Variants in SUPT16H observed in about 807,000 individuals in gnomAD.
The protein encoded by SUPT16H is SPT16 homolog, facilitates chromatin remodeling subunit.
In SUPT16H, 24 loss-of-function variants were observed where a neutral mutation model predicts 136.2. The observed-to-expected ratio is 0.18, with a 90% CI of 0.13 to 0.25. The LOEUF is 0.25. SUPT16H is among the 10% of genes least tolerant of loss of function. The probability of loss-of-function intolerance (pLI) is 1.00; values close to 1 mark genes in which losing one functional copy is unlikely to be tolerated. For synonymous variants in SUPT16H, 415 were observed against 428.2 expected (o/e 0.97, Z 0.38); for missense variants, 623 against 1,270.2 (o/e 0.49, Z 7.74).
chr14:21,370,112 G>T (rs867454879), intron 4 of SUPT16H, among the ~76,000 whole-genome samples: 1 of 152,138 alleles, frequency 6.6e-6, no homozygotes, highest in Non-Finnish European at 1.5e-5. Context: ...TTAAGCTAAT[G>T]TACCACTTAA....
intron 7 of SUPT16H, among the ~76,000 whole-genome samples, chr14:21,367,644 T>C (rs1248788371): frequency 2.0e-5 from 3 of 152,208 alleles, no homozygotes; most frequent in South Asian, 2.1e-4. Flanking sequence ...ATCCTGTAGG[T>C]AGAGATACTA....
At chr14:21,356,726 T>G (rs112360108) in intron 22 of SUPT16H, among the ~76,000 whole-genome samples, 1 of 149,876 alleles carries the variant, frequency 6.7e-6, no homozygotes, top group African/African-American at 2.5e-5. Flanking sequence ...GGCAACACAG[T>G]GAGACCCTGT....
chr14:21,369,090 C>T, intron 6 of SUPT16H, 114 bp downstream of exon 6: 4 of 1,230,844 alleles, frequency 3.2e-6, no homozygotes, highest in East Asian at 2.4e-5. Context: ...TAACACTATA[C>T]ATTATATACT....
At chr14:21,362,158 A>T in intron 15 of SUPT16H, 39 bp downstream of exon 15, 1 of 1,601,090 alleles carries the variant, frequency 6.2e-7, no homozygotes, top group Non-Finnish European at 8.5e-7. Context: ...ACCACTCCAG[A>T]CAAGATGAAT....
chr14:21,364,907 C>G lies in SUPT16H; in HGVS notation c.1153G>C (p.Asp385His). ...MVFSINLGFS[D>H]LTNKEGKKPE... The stretch of plus-strand genomic sequence containing the variant: ...TTTTTCCCCTCCTTGTTAGTCAGGT[C>G]TGAGAATCCTAAATTGATGCTGAAA... Residue 385 changes from aspartate to histidine, a missense_variant, in exon 10 of 26, where the codon GAC becomes CAC. By Grantham distance (81) the Asp-to-His change is moderately conservative. Coordinates refer to ENST00000216297, the MANE Select transcript of SUPT16H (RefSeq NM_007192.4). 6.2e-7 allele frequency: 1 copy of G among 1,613,880 alleles called. No individual in the cohort carries two copies. The highest frequency in any genetic ancestry group is 8.5e-7 in the Non-Finnish European group (1 of 1,180,030).
At chr14:21,373,530 G>C (rs1197201709) in intron 1 of SUPT16H, 100 bp from the exon 2 acceptor site, 2 of 928,240 alleles carry the variant, frequency 2.2e-6, no homozygotes, top group Non-Finnish European at 3.5e-6. Context: ...TCTCCTGATA[G>C]AAATTTCAAG....
In SUPT16H at chr14:21,368,307, A is replaced by G; in HGVS notation, c.917T>C (p.Leu306Pro). 6.2e-7 allele frequency: 1 copy of G among 1,614,028 alleles called. No individual in the cohort carries two copies. The highest frequency in any genetic ancestry group is 8.5e-7 in the Non-Finnish European group (1 of 1,179,968). Residue 306 changes from leucine to proline, a missense_variant, in exon 7 of 26, where the codon CTC (leucine) becomes CCC (proline). Coordinates refer to ENST00000216297, the MANE Select transcript of SUPT16H (RefSeq NM_007192.4). ...QEVQENYNFLLQLQEELLKEL... is the reference protein window; with the variant it reads ...QEVQENYNFLPQLQEELLKEL... ...CTTCAGCAGCTCCTCTTGAAGCTGG[A>G]GCAAAAAGTTATAATTTTCTTGAAC...
In SUPT16H at chr14:21,362,343, TA is replaced by T; in HGVS notation, c.1666-20del. ...TTATATTCTGTTCAAAGGAAAAGCA[TA>T]AAAAGTAAACAGATTTCTTTCCTAG... is the stretch of plus-strand genomic sequence containing the variant. On this transcript the variant is annotated intron_variant, in intron 14 of 25. Coordinates refer to ENST00000216297, the MANE Select transcript of SUPT16H (RefSeq NM_007192.4). 9.4e-6 allele frequency: 15 copies of T among 1,600,918 alleles called. No homozygotes were observed. The highest frequency in any genetic ancestry group is 1.3e-5 in the Non-Finnish European group (15 of 1,175,182).
chr14:21,363,830 C>T (rs1284021998), intron 10 of SUPT16H, among the ~76,000 whole-genome samples: 3 of 152,122 alleles, frequency 2.0e-5, no homozygotes, highest in Non-Finnish European at 4.4e-5. Context: ...AGACGCGCAC[C>T]ACCACACCTG....
rs1325496769 is a variant in SUPT16H at position 21,351,482 on chromosome 14, A to AAAAC, written c.*1187_*1190dup. ...ATGAACGGTCACAGGTGAATTTACA[A>AAAAC]AAACAAACAACAAAAAAAACCCAGT... On this transcript the variant is annotated 3_prime_UTR_variant, in exon 26 of 26. Transcript: ENST00000216297. The AAAAC allele has an allele frequency of 6.4e-6, 2 of 312,480 alleles. No individual in the cohort carries two copies. The highest frequency in any genetic ancestry group is 1.2e-5 in the Non-Finnish European group (2 of 170,900). 19.4% of individuals were successfully genotyped at this position (312,480 alleles called of 1,614,324 possible). A position where few individuals can be genotyped will look rare whatever the true frequency, so the allele number is the denominator to read the frequency against.
In SUPT16H at chr14:21,383,444, T is replaced by C. The variant is rs1887084364; in HGVS notation, c.66+418A>G. 27 of 540,916 alleles carry C rather than the reference T, an allele frequency of 5.0e-5. No homozygotes were observed. In the East Asian group the frequency reaches 7.2e-4, roughly 14 times the overall value. 33.5% of individuals were successfully genotyped at this position (540,916 alleles called of 1,614,324 possible). ...ATCCTCCTTGCCCTTCCATCTCTCC[T>C]TTACGAAGACGGTTATAATCCTGGC... On this transcript the variant is annotated intron_variant, in intron 1 of 25. Coordinates refer to ENST00000216297, the MANE Select transcript of SUPT16H (RefSeq NM_007192.4).
chr14:21,358,019 T>C lies in SUPT16H; in HGVS notation c.2415-17A>G. 6.2e-7 allele frequency: 1 copy of C among 1,610,496 alleles called. No individual in the cohort carries two copies. Among genetic ancestry groups the C allele is most frequent in the South Asian group, 1.1e-5 (1 of 90,982 alleles). ...CCGTTAAATCTGGAAGAGACAAACT[T>C]TTAAGACTGAGCTCATCACGAGAGA... is the stretch of plus-strand genomic sequence containing the variant. On this transcript the variant is annotated splice_polypyrimidine_tract_variant and intron_variant, in intron 20 of 25. Transcript: ENST00000216297.
chr14:21,360,995 T>A (rs752396782), intron 16 of SUPT16H, 23 bp from the exon 17 acceptor site: 1 of 1,611,912 alleles, frequency 6.2e-7, no homozygotes, highest in Non-Finnish European at 8.5e-7. Context: ...AAAATTAATG[T>A]GAATTGTCAC....
intron 1 of SUPT16H, among the ~76,000 whole-genome samples, chr14:21,380,339 T>C (rs975547534): frequency 6.9e-6 from 1 of 143,986 alleles, no homozygotes; most frequent in Non-Finnish European, 1.5e-5. Flanking sequence ...TCTCACTATG[T>C]TGCCCAGGCT....
intron 8 of SUPT16H, among the ~76,000 whole-genome samples, 192 bp from the exon 9 acceptor site, chr14:21,365,335 G>A (rs528201114): frequency 2.9e-4 from 44 of 152,238 alleles, no homozygotes; most frequent in Non-Finnish European, 5.3e-4. Flanking sequence ...ATAATCCCAT[G>A]GCGAAAAATA....
Position 21,362,255 on chromosome 14 carries a change from G to C in SUPT16H, c.1735C>G (p.Leu579Val), listed in dbSNP as rs749975441. 1 of 1,613,544 alleles carries C rather than the reference G, an allele frequency of 6.2e-7. No homozygotes were observed. Among genetic ancestry groups the C allele is most frequent in the Non-Finnish European group, 8.5e-7 (1 of 1,180,004 alleles). ...AAGATGTTGCCTTCATTCCTGCCCA[G>C]AGCACTGCCTGGGCAATAAAAGTTG... Reference protein sequence around the residue: ...RINFYCPGSALGRNEGNIFPN... With the variant: ...RINFYCPGSAVGRNEGNIFPN... The change falls in exon 15 of 26, where the codon CTG (leucine) becomes GTG (valine). Residue 579 changes from leucine (L) to valine (V), a missense_variant. Leu to Val is a conservative substitution (Grantham distance 32). This residue lies in a region of SUPT16H where 62 missense variants were observed against 200.5 expected (regional missense o/e 0.31). Coordinates refer to ENST00000216297, the MANE Select transcript of SUPT16H (RefSeq NM_007192.4).
rs11447033 is a variant in SUPT16H at position 21,356,725 on chromosome 14, G to GT, written c.2660+471dup. Among the ~76,000 whole-genome samples the GT allele has an allele frequency of 6.9e-3, 1,045 of 152,246 alleles. 12 individuals carry two copies. The highest frequency in any genetic ancestry group is 0.023 in the African/African-American group (973 of 41,550). On this transcript the variant is annotated intron_variant, in intron 22 of 25. Transcript: ENST00000216297. Reference sequence around the variant, plus strand: ...ACTACACTTGAGCCTGGGCAACACAGTGAGACCCTGTCTCAAACAACCACC... The same window carrying GT: ...ACTACACTTGAGCCTGGGCAACACAGTTGAGACCCTGTCTCAAACAACCACC...
At chr14:21,353,345 G>A in intron 25 of SUPT16H, 143 bp downstream of exon 25, 1 of 763,684 alleles carries the variant, frequency 1.3e-6, no homozygotes. Context: ...AGTCAATGAA[G>A]TTGTATCTGT....
chr14:21,354,371 C>A, intron 23 of SUPT16H, 40 bp downstream of exon 23: 1 of 1,608,784 alleles, frequency 6.2e-7, no homozygotes, highest in Non-Finnish European at 8.5e-7. Context: ...TGATAGCGGG[C>A]AACACTGTGT....
Sources: gnomAD v4.1 joint callset for allele counts (sites outside exome capture counted in the v4.1 genomes callset) on GRCh38, gnomAD v4.1.1 for gene constraint, gnomAD v4.1.1 regional missense constraint, MANE v1.5 for transcripts, NCBI Gene and HGNC (gene_info 2026-07-23, HGNC 2026-07-21) for gene names.